Variants in SGK1 observed in about 807,000 individuals in gnomAD.
SGK1 encodes the protein serine/threonine-protein kinase Sgk1.
A neutral mutation model predicts 64.2 loss-of-function variants in SGK1; 26 were observed. The observed-to-expected ratio is 0.40, with a 90% CI of 0.30 to 0.56. SGK1 has a LOEUF of 0.56. Among genes scored for constraint, SGK1 ranks in the 20% least tolerant of loss-of-function variants. SGK1 has a pLI of 0.38. For synonymous variants in SGK1, 265 were observed against 239.7 expected, an observed-to-expected ratio of 1.11 and a Z score of -0.98; for missense variants, 519 against 645.6, an observed-to-expected ratio of 0.80 and a Z score of 2.12.
At chr6:134,316,162 G>T (rs1421373213) in intron 1 of SGK1, among the ~76,000 whole-genome samples, 1 of 152,210 alleles carries the variant, frequency 6.6e-6, no homozygotes, top group Non-Finnish European at 1.5e-5. Context: ...AGTCAAGGGT[G>T]CTTGGGAGCC....
intron 3 of SGK1, among the ~76,000 whole-genome samples, chr6:134,194,765 C>T (rs1048391329): frequency 7.2e-5 from 11 of 152,228 alleles, no homozygotes; most frequent in Non-Finnish European, 1.3e-4. Flanking sequence ...TCAAGTGATG[C>T]GCCCGCCTCG....
chr6:134,185,289 G>GC (rs1231846527), intron 3 of SGK1, among the ~76,000 whole-genome samples: 1 of 152,034 alleles, frequency 6.6e-6, no homozygotes, highest in Admixed American at 6.6e-5. Context: ...TTTTTGTATT[G>GC]CCAGAAAGCC....
chr6:134,183,410 TCTAG>T (rs1230070820), intron 3 of SGK1, among the ~76,000 whole-genome samples: 7 of 152,256 alleles, frequency 4.6e-5, no homozygotes, highest in Non-Finnish European at 1.0e-4. Flanking sequence ...ATTCCATCTA[TCTAG>T]CTGTACTTTG....
At chr6:134,267,109 A>AT (rs1776865570) in intron 1 of SGK1, among the ~76,000 whole-genome samples, 1 of 152,138 alleles carries the variant, frequency 6.6e-6, no homozygotes, top group Admixed American at 6.6e-5. Flanking sequence ...CTTGAAATGT[A>AT]TATCTCCCCT....
chr6:134,300,966 A>G (rs964199636), intron 1 of SGK1, among the ~76,000 whole-genome samples: 16 of 152,140 alleles, frequency 1.1e-4, no homozygotes, highest in Admixed American at 1.0e-3. Context: ...ACACAGTAGA[A>G]TATGCTGATG....
chr6:134,197,392 T>C (rs1428039454), intron 3 of SGK1, among the ~76,000 whole-genome samples: 1 of 152,180 alleles, frequency 6.6e-6, no homozygotes, highest in African/African-American at 2.4e-5. Context: ...AAAGGTGTTA[T>C]GTTTTTATTG....
At chr6:134,197,194 C>A (rs1775607218) in intron 3 of SGK1, among the ~76,000 whole-genome samples, 1 of 152,112 alleles carries the variant, frequency 6.6e-6, no homozygotes, top group African/African-American at 2.4e-5. Context: ...GATCGCACTA[C>A]CGCACTCCAG....
intron 1 of SGK1, chr6:134,297,752 C>T (rs537778848): frequency 4.5e-5 from 22 of 484,500 alleles, no homozygotes; most frequent in Non-Finnish European, 7.7e-5. Flanking sequence ...CAGCCTGCCT[C>T]GGCCTCCCAA....
chr6:134,279,431 AAAAT>A (rs142061179), intron 1 of SGK1, among the ~76,000 whole-genome samples: 12,484 of 148,058 alleles, frequency 0.084, 801 homozygotes, highest in East Asian at 0.25. Context: ...ATCCTGTCTC[AAAAT>A]AAATAAATAA....
chr6:134,207,125 C>T (rs1487369800), intron 3 of SGK1, among the ~76,000 whole-genome samples: 1 of 151,998 alleles, frequency 6.6e-6, no homozygotes, highest in East Asian at 1.9e-4. Context: ...ACTCGGGAGG[C>T]TGAGGCAGGA....
chr6:134,275,599 T>C (rs1030073544), intron 1 of SGK1, among the ~76,000 whole-genome samples: 10 of 152,324 alleles, frequency 6.6e-5, no homozygotes, highest in East Asian at 3.9e-4. Flanking sequence ...AAAATGCTGA[T>C]TGCAATCTAT....
At chr6:134,268,451 C>G (rs868657572) in intron 1 of SGK1, among the ~76,000 whole-genome samples, 42 of 152,134 alleles carry the variant, frequency 2.8e-4, no homozygotes, top group Middle Eastern at 6.8e-3. Context: ...CCAGGCCGGG[C>G]GCTGTGGCTC....
rs772324787 is a variant in SGK1, at chr6:134,171,091, C to A, written c.1255G>T (p.Ala419Ser). 10 of 1,614,012 alleles carry A rather than the reference C, an allele frequency of 6.2e-6. No individual in the cohort carries two copies. The highest frequency in any genetic ancestry group is 1.6e-4 in the Middle Eastern group (1 of 6,062). ...LQLKPNITNS[A>S]RHLLEGLLQK... is the part of the protein sequence containing the mutation. ...AGGAGGCCCTCCAGGAGGTGTCTTG[C>A]GGAATTTGTAATATTTGGTTTCAGC... The change falls in exon 12 of 14, where the codon GCA becomes TCA. Residue 419 changes from alanine to serine, a missense_variant. By Grantham distance (99) the Ala-to-Ser change is moderately conservative (BLOSUM62 1). Around this residue, in one of 2 missense-constraint regions of SGK1, gnomAD observed 278 missense variants for 408.7 expected, o/e 0.68. Coordinates refer to ENST00000367858, the MANE Select transcript of SGK1 (RefSeq NM_001143676.3).
At chr6:134,190,724 T>C (rs1434281986) in intron 3 of SGK1, among the ~76,000 whole-genome samples, 2 of 152,232 alleles carry the variant, frequency 1.3e-5, no homozygotes, top group Non-Finnish European at 2.9e-5. Flanking sequence ...CCCTCAGGAC[T>C]GCTATTCCTT....
intron 1 of SGK1, among the ~76,000 whole-genome samples, chr6:134,262,872 T>C (rs1035532003): frequency 8.6e-5 from 13 of 151,630 alleles, no homozygotes; most frequent in African/African-American, 2.9e-4. Context: ...CGAAACTTTG[T>C]CTCTACGAAA....
In SGK1 at chr6:134,208,867, TATATGC is replaced by T. The variant is rs1453669093; in HGVS notation, c.286-1442_286-1437del. 3.0e-5 allele frequency among the ~76,000 whole-genome samples: 4 copies of T among 132,680 alleles called. No individual in the cohort carries two copies. The Admixed American group carries it at 3.5e-4, about 12-fold the overall frequency. The allele number at this position is 132,680 out of a possible 152,430, so 87.0% of individuals were successfully genotyped here. A position where few individuals can be genotyped will look rare whatever the true frequency, so the allele number is the denominator to read the frequency against. On this transcript the variant is annotated intron_variant, in intron 2 of 13. Coordinates refer to ENST00000367858, the MANE Select transcript of SGK1 (RefSeq NM_001143676.3). Reference sequence around the variant, plus strand: ...ATGCATACGCATACATGTATGTGTATATATGCATATACATACATGTATGTGTGTGTA... The same window carrying T: ...ATGCATACGCATACATGTATGTGTATATATACATACATGTATGTGTGTGTA...
chr6:134,306,340 T>A (rs1042817818), intron 1 of SGK1, among the ~76,000 whole-genome samples: 4 of 151,930 alleles, frequency 2.6e-5, no homozygotes, highest in African/African-American at 9.7e-5. Flanking sequence ...GAAGAATTGC[T>A]TGAACCCGGG....
chr6:134,232,869 T>C (rs1776311419), intron 2 of SGK1, among the ~76,000 whole-genome samples: 1 of 151,574 alleles, frequency 6.6e-6, no homozygotes, highest in Non-Finnish European at 1.5e-5. Flanking sequence ...AAAAAAAATG[T>C]ATTTCAGCTG....
At chr6:134,266,189 T>C (rs1229216087) in intron 1 of SGK1, among the ~76,000 whole-genome samples, 1 of 149,450 alleles carries the variant, frequency 6.7e-6, no homozygotes, top group Non-Finnish European at 1.5e-5. Context: ...TTTGCTATGT[T>C]GGCCAGGCCG....
Sources: allele counts gnomAD v4.1 joint callset (sites outside exome capture counted in the v4.1 genomes callset), GRCh38; gene constraint gnomAD v4.1.1; regional missense constraint gnomAD v4.1.1; transcripts MANE v1.5; gene names NCBI Gene and HGNC (gene_info 2026-07-23, HGNC 2026-07-21).